The following SGIP1 variants were observed in gnomAD, a reference collection of about 807,000 sequenced individuals.
SGIP1 encodes SH3GL interacting endocytic adaptor 1.
A neutral mutation model predicts 107.5 loss-of-function variants in SGIP1; 38 were observed. The observed-to-expected ratio is 0.35, with a 90% confidence interval of 0.27 to 0.46. The LOEUF (loss-of-function observed/expected upper bound fraction) is 0.46, where lower values mean the gene tolerates loss of function less well. Ranked by LOEUF, SGIP1 falls within the 20% of genes least tolerant of loss-of-function variation. SGIP1 has a pLI of 1.00. For synonymous variants in SGIP1, 365 were observed against 366.1 expected (o/e 1.00, Z 0.03); for missense variants, 929 against 1,019.5 (o/e 0.91, Z 1.21).
chr1:66,600,872 A>G (rs6588207), intron 1 of SGIP1, among the ~76,000 whole-genome samples: 94,901 of 151,976 alleles, frequency 0.62, 30,431 homozygotes, highest in East Asian at 1. Context: ...CAGGTAAGAT[A>G]CCAAAAACAG....
Position 66,682,296 on chromosome 1 carries a change from A to G in SGIP1, c.1242A>G (p.Pro414=), listed in dbSNP as rs549713992. ...GLGQRATPPP[P]PPPTYRTVVS... ...GACAAAGAGCAACTCCACCTCCCCC[A>G]CCACCACCCACCTACAGGACTGTGG... is the stretch of plus-strand genomic sequence containing the variant. The change falls in exon 15 of 25, where the codon CCA becomes CCG. Residue 414 remains proline, a synonymous_variant. Coordinates refer to ENST00000371037, the MANE Select transcript of SGIP1 (RefSeq NM_032291.4). 1 of 1,614,022 alleles carries G rather than the reference A, an allele frequency of 6.2e-7. No homozygotes were observed. Among genetic ancestry groups the G allele is most frequent in the South Asian group, 1.1e-5 (1 of 91,072 alleles).
At chr1:66,600,030 GTT>G (rs2065465762) in intron 1 of SGIP1, among the ~76,000 whole-genome samples, 1 of 152,142 alleles carries the variant, frequency 6.6e-6, no homozygotes. Flanking sequence ...CCTTTACAAG[GTT>G]TGACACATTG....
intron 18 of SGIP1, among the ~76,000 whole-genome samples, chr1:66,697,935 CATT>C (rs2091236807): frequency 6.6e-6 from 1 of 152,124 alleles, no homozygotes; most frequent in South Asian, 2.1e-4. Context: ...TATTAATTAA[CATT>C]ATCTTTAATT....
At chr1:66,596,405 G>A (rs1327221801) in intron 1 of SGIP1, among the ~76,000 whole-genome samples, 1 of 152,152 alleles carries the variant, frequency 6.6e-6, no homozygotes, top group Non-Finnish European at 1.5e-5. Flanking sequence ...GGCTCAGAAT[G>A]GGGAGTGTGT....
At chr1:66,619,741 G>C (rs1443482686) in intron 1 of SGIP1, among the ~76,000 whole-genome samples, 1 of 152,200 alleles carries the variant, frequency 6.6e-6, no homozygotes, top group Non-Finnish European at 1.5e-5. Flanking sequence ...GCAGCGTCTT[G>C]TGTCTGGTCC....
chr1:66,688,385 C>A (rs75456901), intron 15 of SGIP1, among the ~76,000 whole-genome samples: 2 of 152,190 alleles, frequency 1.3e-5, no homozygotes, highest in East Asian at 1.9e-4. Context: ...GCATGCCAGC[C>A]TCTGTGTGTC....
chr1:66,563,457 G>A (rs1296090597), intron 1 of SGIP1, among the ~76,000 whole-genome samples: 1 of 151,996 alleles, frequency 6.6e-6, no homozygotes, highest in Non-Finnish European at 1.5e-5. Context: ...ATTCCACCAA[G>A]GTGAAGGGGA....
chr1:66,565,750 T>C (rs2059552918), intron 1 of SGIP1, among the ~76,000 whole-genome samples: 1 of 152,016 alleles, frequency 6.6e-6, no homozygotes, highest in African/African-American at 2.4e-5. Flanking sequence ...TACACATTTA[T>C]TCAACACACT....
At chr1:66,705,143 G>A (rs555675563) in intron 18 of SGIP1, among the ~76,000 whole-genome samples, 9 of 152,208 alleles carry the variant, frequency 5.9e-5, no homozygotes, top group African/African-American at 1.9e-4. Flanking sequence ...CTGCTACAGC[G>A]TGGACTGTCA....
intron 1 of SGIP1, among the ~76,000 whole-genome samples, chr1:66,537,110 T>C (rs2053807543): frequency 6.6e-6 from 1 of 152,194 alleles, no homozygotes; most frequent in African/African-American, 2.4e-5. Flanking sequence ...AACGAAATAA[T>C]TCCCCAGGGA....
chr1:66,604,039 C>T (rs968353026), intron 1 of SGIP1, among the ~76,000 whole-genome samples: 2 of 152,064 alleles, frequency 1.3e-5, no homozygotes, highest in Admixed American at 1.3e-4. Flanking sequence ...TGTTGGGCAG[C>T]ACATTATAGT....
intron 15 of SGIP1, 129 bp from the exon 16 acceptor site, chr1:66,689,019 A>T: frequency 1.0e-6 from 1 of 984,916 alleles, no homozygotes; most frequent in Non-Finnish European, 1.4e-6. Context: ...AGAAAGTGCT[A>T]CAGTGTTTAG....
At position 66,534,190 on chromosome 1, in the gene SGIP1, A is replaced by G; in HGVS notation, c.-169A>G. The G allele has an allele frequency of 1.5e-6, 1 of 662,644 alleles. No homozygotes were observed. Among genetic ancestry groups the G allele is most frequent in the Non-Finnish European group, 2.7e-6 (1 of 370,126 alleles). 41.0% of individuals were successfully genotyped at this position (662,644 alleles called of 1,614,324 possible). ...GCCTGCCTGTAGGTGAAGAAGCACC[A>G]GCAGCATCCATGGCCTGTCTTTTGG... On this transcript the variant is annotated 5_prime_UTR_variant, in exon 1 of 25. Coordinates refer to ENST00000371037, the MANE Select transcript of SGIP1 (RefSeq NM_032291.4).
intron 1 of SGIP1, among the ~76,000 whole-genome samples, chr1:66,586,147 A>G (rs1374209747): frequency 2.0e-5 from 3 of 152,168 alleles, no homozygotes; most frequent in African/African-American, 7.2e-5. Context: ...ATTATCTGAT[A>G]CTAAGTTAGT....
chr1:66,647,627 T>C (rs1211190558), intron 7 of SGIP1, among the ~76,000 whole-genome samples: 1 of 152,190 alleles, frequency 6.6e-6, no homozygotes, highest in Non-Finnish European at 1.5e-5. Flanking sequence ...CCCATATATG[T>C]TTTAAAATAT....
At chr1:66,709,463 C>G (rs939330652) in intron 18 of SGIP1, among the ~76,000 whole-genome samples, 4 of 152,100 alleles carry the variant, frequency 2.6e-5, no homozygotes, top group African/African-American at 9.7e-5. Flanking sequence ...AAACGGTTCT[C>G]TCCTCTCAGA....
intron 18 of SGIP1, among the ~76,000 whole-genome samples, chr1:66,702,289 A>T (rs1435676267): frequency 2.0e-5 from 3 of 152,202 alleles, no homozygotes; most frequent in Non-Finnish European, 4.4e-5. Context: ...TCAATGGTTA[A>T]ATACGTTGAA....
chr1:66,736,892 G>A (rs1394681517), intron 21 of SGIP1, among the ~76,000 whole-genome samples: 1 of 151,984 alleles, frequency 6.6e-6, no homozygotes, highest in Non-Finnish European at 1.5e-5. Flanking sequence ...ATAAAATGGT[G>A]TATTTTCCAG....
At chr1:66,677,343 A>G (rs2085622340) in intron 13 of SGIP1, among the ~76,000 whole-genome samples, 1 of 152,230 alleles carries the variant, frequency 6.6e-6, no homozygotes, top group African/African-American at 2.4e-5. Flanking sequence ...GAAATCCCAC[A>G]TGCTTATTCA....
Sources: gnomAD v4.1 joint callset for allele counts (sites outside exome capture counted in the v4.1 genomes callset) on GRCh38, gnomAD v4.1.1 for gene constraint, MANE v1.5 for transcripts, NCBI Gene and HGNC (gene_info 2026-07-23, HGNC 2026-07-21) for gene names.